The following NDRG3 variants were observed in gnomAD, a reference collection of about 807,000 sequenced individuals.
The protein encoded by NDRG3 is NDRG family member 3.
Under a neutral mutation model 57.2 loss-of-function variants are expected in NDRG3, and 23 were observed. The observed-to-expected ratio is 0.40, with a 90% CI of 0.29 to 0.57. The LOEUF is 0.57. Ranked by LOEUF, NDRG3 falls within the 20% of genes least tolerant of loss-of-function variation. The pLI is 0.42. For synonymous variants in NDRG3, 132 were observed against 162.6 expected (o/e 0.81, Z 1.43); for missense variants, 384 against 457.3 (o/e 0.84, Z 1.46).
rs200391094 is a variant in NDRG3, at chr20:36,660,563, TA to T, written c.811-180del. ...ATATTTATTTATTTATTTATTTATT[TA>T]TTTATTTTTTTTTTGAGACGGAGTC... On this transcript the variant is annotated intron_variant, in intron 12 of 15. Transcript: ENST00000349004. Among the ~76,000 whole-genome samples the T allele has an allele frequency of 5.6e-4, 85 of 150,534 alleles. 2 individuals carry two copies. The highest frequency in any genetic ancestry group is 1.5e-3 in the African/African-American group (61 of 40,590).
At chr20:36,695,375 A>G (rs1982688042) in intron 3 of NDRG3, among the ~76,000 whole-genome samples, 1 of 152,240 alleles carries the variant, frequency 6.6e-6, no homozygotes, top group Non-Finnish European at 1.5e-5. Context: ...GGAGATAACC[A>G]TTAGGTCTGA....
intron 1 of NDRG3, among the ~76,000 whole-genome samples, chr20:36,745,686 C>T (rs1453989481): frequency 1.6e-4 from 25 of 152,224 alleles, no homozygotes; most frequent in Non-Finnish European, 2.9e-5. Context: ...GATGAGCAAC[C>T]CCAAGGCCCA....
Position 36,655,617 on chromosome 20 carries a change from A to T in NDRG3, c.946+743T>A, listed in dbSNP as rs1260860746. The stretch of plus-strand genomic sequence containing the variant: ...AGTCTCCATTTCATTTCTCTAGGTC[A>T]GGAGTTATTAACCAGCTGAGTTTAA... On this transcript the variant is annotated intron_variant, in intron 15 of 15. Transcript: ENST00000349004. Among the ~76,000 whole-genome samples the T allele has an allele frequency of 6.1e-4, 93 of 152,314 alleles. 1 individual carries two copies. The highest frequency in any genetic ancestry group is 1.2e-4 in the Non-Finnish European group (8 of 68,018).
chr20:36,733,028 T>A (rs1408353114), intron 1 of NDRG3, among the ~76,000 whole-genome samples: 2 of 150,038 alleles, frequency 1.3e-5, no homozygotes, highest in African/African-American at 4.9e-5. Flanking sequence ...GTGCCTGTAG[T>A]CCCAGCTAGT....
At chr20:36,691,869 C>T (rs1295543397) in intron 3 of NDRG3, among the ~76,000 whole-genome samples, 1 of 152,180 alleles carries the variant, frequency 6.6e-6, no homozygotes, top group East Asian at 1.9e-4. Context: ...TTATTGAATG[C>T]CACTCCATGC....
chr20:36,744,967 AG>A (rs34122149), intron 1 of NDRG3, among the ~76,000 whole-genome samples: 33,207 of 65,256 alleles, frequency 0.51, 5,593 homozygotes, highest in Middle Eastern at 0.59. Flanking sequence ...GGCCAGGGTA[AG>A]GGGGGGGGGG....
chr20:36,697,575 G>T (rs1982898693), intron 3 of NDRG3, among the ~76,000 whole-genome samples: 1 of 152,142 alleles, frequency 6.6e-6, no homozygotes, highest in Non-Finnish European at 1.5e-5. Flanking sequence ...AGGCGTGGTG[G>T]CGGGTGCCTA....
At chr20:36,686,277 T>C (rs2045287450) in intron 5 of NDRG3, among the ~76,000 whole-genome samples, 1 of 152,226 alleles carries the variant, frequency 6.6e-6, no homozygotes, top group African/African-American at 2.4e-5. Flanking sequence ...GTTCAAATCT[T>C]AGCTCTGCCA....
At chr20:36,656,447 A>C in intron 14 of NDRG3, 36 bp from the exon 15 acceptor site, 1 of 1,614,180 alleles carries the variant, frequency 6.2e-7, no homozygotes, top group Non-Finnish European at 8.5e-7. Flanking sequence ...TAATTTTTGC[A>C]TAGACAGAGA....
intron 13 of NDRG3, among the ~76,000 whole-genome samples, chr20:36,657,241 C>T (rs775862769): frequency 6.7e-6 from 1 of 149,246 alleles, no homozygotes; most frequent in Non-Finnish European, 1.5e-5. Context: ...AATCCCAGCA[C>T]CTTGGGAGGC....
At chr20:36,723,371 T>C (rs1212964417) in intron 1 of NDRG3, among the ~76,000 whole-genome samples, 1 of 152,172 alleles carries the variant, frequency 6.6e-6, no homozygotes, top group Non-Finnish European at 1.5e-5. Context: ...TGCAGGAAAG[T>C]GATTCCCACC....
intron 5 of NDRG3, among the ~76,000 whole-genome samples, chr20:36,685,442 C>G (rs1290454028): frequency 4.6e-5 from 7 of 152,028 alleles, no homozygotes; most frequent in Non-Finnish European, 8.8e-5. Flanking sequence ...TTCTGAGTAG[C>G]TGGGACTACA....
intron 1 of NDRG3, among the ~76,000 whole-genome samples, chr20:36,738,615 G>T (rs1028298591): frequency 6.6e-6 from 1 of 151,776 alleles, no homozygotes; most frequent in Non-Finnish European, 1.5e-5. Context: ...TTGAGGTGAG[G>T]AGTTTGAGAC....
intron 2 of NDRG3, among the ~76,000 whole-genome samples, chr20:36,709,904 TAA>T (rs889398668): frequency 6.8e-6 from 1 of 147,182 alleles, no homozygotes; most frequent in African/African-American, 2.5e-5. Flanking sequence ...AATTTTGGGT[TAA>T]AAAAAAAAAC....
chr20:36,665,420 CTGAGAAGGGAA>C lies in NDRG3; in HGVS notation c.693-130_693-120del, dbSNP rs1979542359. The C allele has an allele frequency of 3.3e-6, 3 of 911,082 alleles. No homozygotes were observed. The East Asian group carries it at 7.2e-5, about 22-fold the overall frequency. 56.4% of individuals were successfully genotyped at this position (911,082 alleles called of 1,614,324 possible). On this transcript the variant is annotated intron_variant, in intron 10 of 15. Transcript: ENST00000349004. ...ATGCGAAACTATCTTTCCTTCACAC[CTGAGAAGGGAA>C]GAGGCCCTATGACTTGGTTCTTGAG...
chr20:36,728,794 C>T (rs1206804079), intron 1 of NDRG3, among the ~76,000 whole-genome samples: 12 of 151,928 alleles, frequency 7.9e-5, no homozygotes, highest in Admixed American at 3.9e-4. Context: ...GGCTCAATCG[C>T]GGCTCACTGC....
chr20:36,744,736 C>A (rs1986099323), intron 1 of NDRG3, among the ~76,000 whole-genome samples: 1 of 152,208 alleles, frequency 6.6e-6, no homozygotes, highest in African/African-American at 2.4e-5. Flanking sequence ...TTCAGCACCA[C>A]TCTATCAATG....
chr20:36,736,835 CT>C (rs1054630272), intron 1 of NDRG3, among the ~76,000 whole-genome samples: 105 of 152,266 alleles, frequency 6.9e-4, no homozygotes, highest in African/African-American at 2.4e-3. Context: ...GCTATCCCCC[CT>C]ATCTCCATAA....
intron 2 of NDRG3, among the ~76,000 whole-genome samples, chr20:36,719,913 G>A (rs983903276): frequency 3.3e-5 from 5 of 151,824 alleles, no homozygotes; most frequent in Non-Finnish European, 5.9e-5. Context: ...TCAGGAGTTC[G>A]AGACCAGCCT....
Sources: gnomAD v4.1 joint callset for allele counts (sites outside exome capture counted in the v4.1 genomes callset) on GRCh38, gnomAD v4.1.1 for gene constraint, MANE v1.5 for transcripts, NCBI Gene and HGNC (gene_info 2026-07-23, HGNC 2026-07-21) for gene names.